TEX2: variants seen among roughly 807,000 people sequenced by gnomAD.
The protein encoded by TEX2 is testis expressed 2, also known as testis-expressed protein 2.
A neutral mutation model predicts 106.9 loss-of-function variants in TEX2; 53 were observed. The observed-to-expected ratio is 0.50, with a 90% confidence interval of 0.40 to 0.62. TEX2 has a LOEUF of 0.62. TEX2 is among the 20% of genes least tolerant of loss of function. TEX2 has a pLI of 0.00. For synonymous variants in TEX2, 523 were observed against 534.8 expected, an observed-to-expected ratio of 0.98 and a Z score of 0.30; for missense variants, 1,207 against 1,379.0, an observed-to-expected ratio of 0.88 and a Z score of 1.98.
chr17:64,246,573 C>T (rs1258864567), intron 1 of TEX2, among the ~76,000 whole-genome samples: 1 of 152,080 alleles, frequency 6.6e-6, no homozygotes, highest in African/African-American at 2.4e-5. Flanking sequence ...TATTGGGCTG[C>T]CCCCTAGAAG....
At position 64,177,463 on chromosome 17, in the gene TEX2, C is replaced by T; in HGVS notation, c.2433G>A (p.Glu811=). The change falls in exon 6 of 12, where the codon GAG becomes GAA. Residue 811 remains glutamate, a synonymous_variant. Transcript: ENST00000584379. ...GTTCTTCCTCCTCAGAGGGTGGAAC[C>T]TCTGGCAACTGGCAAAAGAAAAGGG... is the stretch of plus-strand genomic sequence containing the variant. ...SSPTAGKKLP[E]VPPSEEEEQE... is the part of the protein sequence containing the mutation. 2 of 1,612,032 alleles carry T rather than the reference C, an allele frequency of 1.2e-6. No homozygotes were observed. The highest frequency in any genetic ancestry group is 1.7e-6 in the Non-Finnish European group (2 of 1,179,482).
chr17:64,212,457 TTAAAAAACA>T, intron 2 of TEX2, 108 bp downstream of exon 2: 1 of 973,640 alleles, frequency 1.0e-6, no homozygotes, highest in Admixed American at 2.3e-5. Flanking sequence ...CCCCAAGCTC[TTAAAAAACA>T]CGGCCTGTGC....
At chr17:64,176,615 G>A (rs1386564262) in intron 6 of TEX2, among the ~76,000 whole-genome samples, 2 of 152,150 alleles carry the variant, frequency 1.3e-5, no homozygotes, top group African/African-American at 2.4e-5. Flanking sequence ...TCTCCTGGTT[G>A]GCAAATGAGT....
intron 6 of TEX2, 138 bp downstream of exon 6, chr17:64,177,187 T>G: frequency 1.1e-6 from 1 of 901,296 alleles, no homozygotes; most frequent in Non-Finnish European, 1.7e-6. Flanking sequence ...CAAGGTCAGA[T>G]GTGCTGTTTG....
chr17:64,226,886 T>G (rs1405791683), intron 1 of TEX2, among the ~76,000 whole-genome samples: 1 of 151,962 alleles, frequency 6.6e-6, no homozygotes. Context: ...TAAAAAATAA[T>G]GGGTGCATCC....
rs199875280 is a variant in TEX2, at chr17:64,212,928, C to T, written c.1290G>A (p.Thr430=). The T allele has an allele frequency of 1.4e-5, 22 of 1,614,236 alleles. No homozygotes were observed. The highest frequency in any genetic ancestry group is 1.6e-4 in the Middle Eastern group (1 of 6,062). The change falls in exon 2 of 12, where the codon ACG becomes ACA. Residue 430 remains threonine (T), a synonymous_variant. Transcript: ENST00000584379. ...ELYTEDFDLE[T]EGESKVDKLS... ...GCTTATCAACTTTACTCTCCCCCTC[C>T]GTTTCCAAATCGAAGTCCTCAGTGT...
At chr17:64,221,364 A>G (rs2033354765) in intron 1 of TEX2, among the ~76,000 whole-genome samples, 1 of 152,184 alleles carries the variant, frequency 6.6e-6, no homozygotes, top group South Asian at 2.1e-4. Flanking sequence ...AAATTAAATT[A>G]CATTTTTAAA....
chr17:64,148,573 A>C lies in TEX2; in HGVS notation c.*396T>G, dbSNP rs76190275. ...CGCATACAAAGTATAGAAGTGAAAA[A>C]GTCCACTGTGCACCGGCTGCCTGAA... On this transcript the variant is annotated 3_prime_UTR_variant, in exon 12 of 12. Coordinates refer to ENST00000584379, the MANE Select transcript of TEX2 (RefSeq NM_001288732.2). The C allele has an allele frequency of 5.9e-6, 1 of 170,040 alleles. No homozygotes were observed. Among genetic ancestry groups the C allele is most frequent in the African/African-American group, 2.4e-5 (1 of 41,846 alleles). 10.5% of individuals were successfully genotyped at this position (170,040 alleles called of 1,614,324 possible).
In TEX2 at chr17:64,218,402, T is replaced by C. The variant is rs1046433220; in HGVS notation, c.-25-4160A>G. On this transcript the variant is annotated intron_variant, in intron 1 of 11. Coordinates refer to ENST00000584379, the MANE Select transcript of TEX2 (RefSeq NM_001288732.2). ...TAGCCTAGTCTGGCAAAGGACACTT[T>C]CACTTTTTTTTTTTTTTTTTTTTTT... 4.6e-5 allele frequency among the ~76,000 whole-genome samples: 6 copies of C among 131,508 alleles called. No homozygotes were observed. The East Asian group carries it at 9.7e-4, about 21-fold the overall frequency. 86.3% of individuals were successfully genotyped at this position (131,508 alleles called of 152,430 possible). A position where few individuals can be genotyped will look rare whatever the true frequency, so the allele number is the denominator to read the frequency against.
At chr17:64,250,110 G>A (rs1004529468) in intron 1 of TEX2, among the ~76,000 whole-genome samples, 12 of 152,174 alleles carry the variant, frequency 7.9e-5, no homozygotes, top group Admixed American at 3.9e-4. Flanking sequence ...GCTTCCTACA[G>A]CAGTTTCTGC....
Position 64,195,052 on chromosome 17 carries a change from T to C in TEX2, c.1688A>G (p.His563Arg), listed in dbSNP as rs780257250. 1 of 1,614,178 alleles carries C rather than the reference T, an allele frequency of 6.2e-7. No individual in the cohort carries two copies. Among genetic ancestry groups the C allele is most frequent in the Non-Finnish European group, 8.5e-7 (1 of 1,180,010 alleles). ...AAAGACTGAATGTGTCAAAGTCGCA[T>C]GGTAGGTTTCTGGATCATAGTTGTA... Reference protein sequence around the residue: ...EIYNYDPETYHATLTHSVFVR... With the variant: ...EIYNYDPETYRATLTHSVFVR... Residue 563 changes from histidine to arginine, a missense_variant, in exon 3 of 12, where the codon CAT becomes CGT. Coordinates refer to ENST00000584379, the MANE Select transcript of TEX2 (RefSeq NM_001288732.2). The surrounding 1 kb of genome is among the most constrained non-coding windows in gnomAD (Gnocchi z 4.1).
chr17:64,159,213 C>T lies in TEX2; in HGVS notation c.2804+1588G>A, dbSNP rs536443367. Among the ~76,000 whole-genome samples the T allele has an allele frequency of 5.3e-5, 8 of 152,272 alleles. No homozygotes were observed. In the East Asian group the frequency reaches 1.5e-3, roughly 29 times the overall value. On this transcript the variant is annotated intron_variant, in intron 8 of 11. Transcript: ENST00000584379. ...CCCAAGACCCCCTTTGCAATGGAGT[C>T]CCTGTGCCCCTGTGCCCACATGGTG...
chr17:64,196,510 G>A (rs577058592), intron 2 of TEX2, among the ~76,000 whole-genome samples: 26 of 152,220 alleles, frequency 1.7e-4, no homozygotes, highest in South Asian at 8.3e-4. Context: ...AAGAATGACC[G>A]GACAGGAGCA....
At chr17:64,204,074 C>T (rs1050672422) in intron 2 of TEX2, among the ~76,000 whole-genome samples, 3 of 152,190 alleles carry the variant, frequency 2.0e-5, no homozygotes, top group African/African-American at 4.8e-5. Flanking sequence ...ACATGATAAA[C>T]ATTAAATCAT....
At chr17:64,154,301 T>C (rs764043113) in intron 9 of TEX2, among the ~76,000 whole-genome samples, 4 of 152,216 alleles carry the variant, frequency 2.6e-5, no homozygotes, top group Non-Finnish European at 5.9e-5. Context: ...TAAAAGATCA[T>C]TGTGGATAGG....
rs1181947083 is a variant in TEX2 at position 64,154,848 on chromosome 17, G to A, written c.2924C>T (p.Ala975Val). The A allele has an allele frequency of 6.2e-7, 1 of 1,602,782 alleles. No homozygotes were observed. Among genetic ancestry groups the A allele is most frequent in the Non-Finnish European group, 8.5e-7 (1 of 1,174,852 alleles). Residue 975 changes from alanine (A) to valine (V), a missense_variant, in exon 9 of 12, where the codon GCT (alanine) becomes GTT (valine). By Grantham distance (64) the Ala-to-Val change is moderately conservative. Coordinates refer to ENST00000584379, the MANE Select transcript of TEX2 (RefSeq NM_001288732.2). Reference protein sequence around the residue: ...SGGDKQLLPGAEGYVGGHRTS... With the variant: ...SGGDKQLLPGVEGYVGGHRTS... The stretch of plus-strand genomic sequence containing the variant: ...GAAGCACTGATCCACTCACCCTTCA[G>A]CCCCTGGGAGGAGCTGTTTGTCTCC...
intron 1 of TEX2, among the ~76,000 whole-genome samples, chr17:64,232,974 C>T (rs572995606): frequency 6.6e-6 from 1 of 152,248 alleles, no homozygotes; most frequent in African/African-American, 2.4e-5. Flanking sequence ...TCTAAAAAGG[C>T]AGAGGCATTT....
At chr17:64,181,647 T>C (rs1399354629) in intron 5 of TEX2, among the ~76,000 whole-genome samples, 1 of 151,846 alleles carries the variant, frequency 6.6e-6, no homozygotes, top group African/African-American at 2.4e-5. Context: ...CCCAAGTAGC[T>C]GGTATTACAG....
chr17:64,214,307 G>A (rs1432955126), intron 1 of TEX2, 65 bp from the exon 2 acceptor site: 10 of 1,333,626 alleles, frequency 7.5e-6, no homozygotes, highest in Non-Finnish European at 1.0e-5. Flanking sequence ...GCTGTCATTC[G>A]CAGATAGGAG....
Sources: gnomAD v4.1 joint callset for allele counts (sites outside exome capture counted in the v4.1 genomes callset) on GRCh38, gnomAD v4.1.1 for gene constraint, Gnocchi (gnomAD v3.1) non-coding constraint, MANE v1.5 for transcripts, NCBI Gene and HGNC (gene_info 2026-07-23, HGNC 2026-07-21) for gene names.